The following CYSLTR2 variants were observed in gnomAD, a reference collection of about 807,000 sequenced individuals.
CYSLTR2 encodes the protein cysteinyl leukotriene receptor 2.
For missense variants in CYSLTR2, 398 were observed against 411.9 expected (o/e 0.97, Z 0.29); for synonymous variants, 179 against 160.8 (o/e 1.11, Z -0.86).
At chr13:48,679,547 G>A (rs1330615634) in intron 1 of CYSLTR2, among the ~76,000 whole-genome samples, 1 of 152,184 alleles carries the variant, frequency 6.6e-6, no homozygotes, top group Non-Finnish European at 1.5e-5. Context: ...TTCCATGCCT[G>A]TGCACTTTGG....
At chr13:48,687,369 T>C (rs1449120491) in intron 1 of CYSLTR2, among the ~76,000 whole-genome samples, 1 of 151,500 alleles carries the variant, frequency 6.6e-6, no homozygotes, top group African/African-American at 2.4e-5. Context: ...ATCTATCTAC[T>C]TATTATGTAG....
rs1023526940 is a variant in CYSLTR2, at chr13:48,654,282, T to A, written c.-266+265T>A. ...GTGTGTGTGTGTGTGTGTGTGTGTG[T>A]GTGTGTGTGTGTGTGTGTGTGTGAG... On this transcript the variant is annotated intron_variant, in intron 1 of 4. Transcript: ENST00000682523. Among the ~76,000 whole-genome samples the A allele has an allele frequency of 4.5e-4, 52 of 115,132 alleles. No individual in the cohort carries two copies. In the East Asian group the frequency reaches 5.7e-3, roughly 13 times the overall value. 75.5% of individuals were successfully genotyped at this position (115,132 alleles called of 152,430 possible). A position where few individuals can be genotyped will look rare whatever the true frequency, so the allele number is the denominator to read the frequency against.
At chr13:48,669,180 G>A (rs559329543) in intron 1 of CYSLTR2, among the ~76,000 whole-genome samples, 7 of 152,072 alleles carry the variant, frequency 4.6e-5, no homozygotes, top group African/African-American at 7.2e-5. Flanking sequence ...TTGAGGAATC[G>A]CCACACTGTC....
At chr13:48,688,070 ACTC>A (rs1026027040) in intron 1 of CYSLTR2, among the ~76,000 whole-genome samples, 1 of 151,724 alleles carries the variant, frequency 6.6e-6, no homozygotes, top group African/African-American at 2.4e-5. Flanking sequence ...CTTTGTTCTC[ACTC>A]CTCAAGGATC....
chr13:48,701,089 A>C (rs1298799535), intron 4 of CYSLTR2, among the ~76,000 whole-genome samples: 1 of 152,204 alleles, frequency 6.6e-6, no homozygotes, highest in African/African-American at 2.4e-5. Context: ...TGCCATCCCC[A>C]TCAAGCTACC....
At chr13:48,665,445 C>A (rs1953237645) in intron 1 of CYSLTR2, among the ~76,000 whole-genome samples, 1 of 152,018 alleles carries the variant, frequency 6.6e-6, no homozygotes. Context: ...GTATTGGGAT[C>A]TATCTCTTCC....
chr13:48,684,158 G>A (rs947647514), intron 1 of CYSLTR2, among the ~76,000 whole-genome samples: 1 of 151,998 alleles, frequency 6.6e-6, no homozygotes, highest in Non-Finnish European at 1.5e-5. Context: ...TGAACTCTGA[G>A]CCTCAAGTGA....
intron 1 of CYSLTR2, among the ~76,000 whole-genome samples, chr13:48,656,568 C>T (rs1043237337): frequency 3.9e-5 from 6 of 152,324 alleles, no homozygotes; most frequent in African/African-American, 7.2e-5. Flanking sequence ...TATCACTCTG[C>T]CTCCTATCCA....
chr13:48,710,021 G>A lies in CYSLTR2; in HGVS notation c.*2163G>A, dbSNP rs547305994. 6 of 152,256 alleles carry A rather than the reference G, an allele frequency of 3.9e-5. No individual in the cohort carries two copies. Among genetic ancestry groups the A allele is most frequent in the African/African-American group, 9.6e-5 (4 of 41,546 alleles). The allele number at this position is 152,256 out of a possible 1,614,324, so 9.4% of individuals were successfully genotyped here. ...CATAGAAAAATAAGCAAGTAAAAAC[G>A]CAATACAGTTTTTAAGTGCTAGAGG... On this transcript the variant is annotated 3_prime_UTR_variant, in exon 5 of 5. Coordinates refer to ENST00000682523, the MANE Select transcript of CYSLTR2 (RefSeq NM_001308476.3).
At chr13:48,699,334 A>G (rs1452351191) in intron 4 of CYSLTR2, among the ~76,000 whole-genome samples, 1 of 152,252 alleles carries the variant, frequency 6.6e-6, no homozygotes, top group Non-Finnish European at 1.5e-5. Context: ...CTCAGACCAC[A>G]GTGCAATCAA....
intron 1 of CYSLTR2, among the ~76,000 whole-genome samples, chr13:48,660,861 T>C (rs1441010537): frequency 6.6e-6 from 1 of 152,170 alleles, no homozygotes; most frequent in Non-Finnish European, 1.5e-5. Flanking sequence ...CCGTGTTAAT[T>C]CAGCACTCTG....
intron 1 of CYSLTR2, among the ~76,000 whole-genome samples, chr13:48,665,672 C>T (rs148689800): frequency 4.9e-4 from 75 of 152,064 alleles, no homozygotes; most frequent in African/African-American, 1.7e-3. Context: ...CTTTTTTCGT[C>T]CCTTCACATT....
chr13:48,691,390 A>C (rs1346074815), intron 2 of CYSLTR2, 89 bp downstream of exon 2: 1 of 152,116 alleles, frequency 6.6e-6, no homozygotes, highest in African/African-American at 2.4e-5. Flanking sequence ...TGATATTTGA[A>C]GGGAAACCAA....
chr13:48,692,754 A>G (rs182385839), intron 2 of CYSLTR2, among the ~76,000 whole-genome samples: 18 of 151,364 alleles, frequency 1.2e-4, no homozygotes, highest in African/African-American at 4.1e-4. Flanking sequence ...AGAAAACATG[A>G]TTTACTTAGA....
chr13:48,672,516 C>A (rs1430870388), intron 1 of CYSLTR2, among the ~76,000 whole-genome samples: 1 of 151,742 alleles, frequency 6.6e-6, no homozygotes, highest in Non-Finnish European at 1.5e-5. Flanking sequence ...TTATTTATTT[C>A]TGCCTTAATT....
intron 1 of CYSLTR2, among the ~76,000 whole-genome samples, chr13:48,668,613 A>AT (rs990730517): frequency 1.3e-5 from 2 of 151,806 alleles, no homozygotes; most frequent in Admixed American, 6.6e-5. Context: ...TTATTTACTT[A>AT]TTTTTTTATT....
intron 1 of CYSLTR2, among the ~76,000 whole-genome samples, chr13:48,657,070 A>T (rs528088781): frequency 3.9e-5 from 6 of 152,280 alleles, no homozygotes; most frequent in African/African-American, 1.4e-4. Flanking sequence ...TAGCACATAA[A>T]CTCCATTGAG....
intron 4 of CYSLTR2, among the ~76,000 whole-genome samples, chr13:48,701,690 G>A (rs1954351612): frequency 6.6e-6 from 1 of 152,184 alleles, no homozygotes; most frequent in Non-Finnish European, 1.5e-5. Context: ...TCAGAGGAAT[G>A]CAAATCAAAA....
intron 1 of CYSLTR2, among the ~76,000 whole-genome samples, chr13:48,658,177 G>A (rs1953044538): frequency 6.6e-6 from 1 of 152,116 alleles, no homozygotes; most frequent in South Asian, 2.1e-4. Context: ...GATATAAAGG[G>A]TGCTGCTTCC....
Sources: gnomAD v4.1 joint callset for allele counts (sites outside exome capture counted in the v4.1 genomes callset) on GRCh38, gnomAD v4.1.1 for gene constraint, MANE v1.5 for transcripts, NCBI Gene and HGNC (gene_info 2026-07-23, HGNC 2026-07-21) for gene names.